ZFP92: variants seen among roughly 807,000 people sequenced by gnomAD.
ZFP92 encodes the protein ZFP92 zinc finger protein, also known as zinc finger protein 92 homolog.
In ZFP92, 2 loss-of-function variants were observed where a neutral mutation model predicts 7.6. That is an observed-to-expected ratio of 0.26 (90% CI 0.11 to 0.83). The LOEUF is 0.83. Among genes scored for constraint, ZFP92 ranks in the 40% least tolerant of loss-of-function variants. The pLI is 0.65. For missense variants in ZFP92, 324 were observed against 408.3 expected (o/e 0.79, Z 1.78); for synonymous variants, 226 against 183.6 (o/e 1.23, Z -1.87).
At position 153,418,589 on chromosome X, in the gene ZFP92, G is replaced by A. The variant is rs180671914; in HGVS notation, c.34-84G>A. The A allele has an allele frequency of 9.2e-4, 1,024 of 1,112,212 alleles. 5 individuals are homozygous for A. Among genetic ancestry groups the A allele is most frequent in the Middle Eastern group, 3.4e-3 (12 of 3,502 alleles). The allele number at this position is 1,112,212 out of a possible 1,213,427, so 91.7% of individuals were successfully genotyped here. On this transcript the variant is annotated intron_variant, in intron 3 of 5. Coordinates refer to ENST00000338647, the MANE Select transcript of ZFP92 (RefSeq NM_001136273.2). ...TGCTGAGCCTTCCAGGGCTCCCCCC[G>A]CCCCCCACATTTTGTTTCTGTCAGC...
intron 5 of ZFP92, 38 bp downstream of exon 5, chrX:153,420,370 A>G (rs2088988157): frequency 6.3e-6 from 7 of 1,103,768 alleles, no homozygotes; most frequent in Admixed American, 5.7e-5. Context: ...CCATCGGGGT[A>G]AAAAGAAATA....
In ZFP92 at chrX:153,423,218, G is replaced by C. The variant is rs2089019230; in HGVS notation, c.*1590G>C. The C allele has an allele frequency of 9.0e-6, 1 of 110,697 alleles. No homozygotes were observed. Among genetic ancestry groups the C allele is most frequent in the South Asian group, 3.9e-4 (1 of 2,574 alleles). The allele number at this position is 110,697 out of a possible 1,213,427, so 9.1% of individuals were successfully genotyped here. ...GCCCTGTCCCCTCCCAGGGGAGAGGGGGTTTTTCATCCACAAGGCCTGAGG... is the reference window on the plus strand; with the variant it reads ...GCCCTGTCCCCTCCCAGGGGAGAGGCGGTTTTTCATCCACAAGGCCTGAGG... On this transcript the variant is annotated 3_prime_UTR_variant, in exon 6 of 6. Transcript: ENST00000338647.
In ZFP92 at chrX:153,421,078, G is replaced by A. The variant is rs868992296; in HGVS notation, c.701G>A (p.Arg234Gln). ...IKHQVIHSGE[R>Q]PFACGDCGKL... is the part of the protein sequence containing the mutation. ...CACCAGGTCATCCACAGCGGCGAGC[G>A]GCCCTTCGCCTGCGGCGACTGCGGC... Residue 234 changes from arginine (R) to glutamine (Q), a missense_variant, in exon 6 of 6, where the codon CGG becomes CAG. Coordinates refer to ENST00000338647, the MANE Select transcript of ZFP92 (RefSeq NM_001136273.2). 4 of 1,183,897 alleles carry A rather than the reference G, an allele frequency of 3.4e-6. No individual in the cohort carries two copies. Among genetic ancestry groups the A allele is most frequent in the Non-Finnish European group, 4.5e-6 (4 of 881,993 alleles).
intron 2 of ZFP92, among the ~76,000 whole-genome samples, chrX:153,412,376 C>G (rs782741252): frequency 1.8e-5 from 2 of 112,647 alleles, no homozygotes; most frequent in East Asian, 5.6e-4. Flanking sequence ...ACCTCCTGAG[C>G]AAGCATTTGA....
In ZFP92 at chrX:153,422,305, C is replaced by T. The variant is rs2089011206; in HGVS notation, c.*677C>T. 1 of 112,059 alleles carries T rather than the reference C, an allele frequency of 8.9e-6. No homozygotes were observed. Among genetic ancestry groups the T allele is most frequent in the Non-Finnish European group, 1.9e-5 (1 of 53,163 alleles). 9.2% of individuals were successfully genotyped at this position (112,059 alleles called of 1,213,427 possible). ...TAGGATGGGGGGCTGTGCCAGAAAA[C>T]TCCCGCCTTGTCTGGGTGGCCCCAG... On this transcript the variant is annotated 3_prime_UTR_variant, in exon 6 of 6. Transcript: ENST00000338647.
At position 153,421,508 on chromosome X, in the gene ZFP92, G is replaced by C. The variant is rs2089003308; in HGVS notation, c.1131G>C (p.Lys377Asn). The change falls in exon 6 of 6, where the codon AAG becomes AAC. Residue 377 changes from lysine (K) to asparagine (N), a missense_variant. Lys to Asn is a moderately conservative substitution (Grantham distance 94). Coordinates refer to ENST00000338647, the MANE Select transcript of ZFP92 (RefSeq NM_001136273.2). ...TGCACGGCGCCAGGCGCCCTGCGAA[G>C]GCGGAGACGGCGCGGAGGCTAGCGG... ...QAVHGARRPA[K>N]AETARRLAGP... 5 of 1,141,948 alleles carry C rather than the reference G, an allele frequency of 4.4e-6. No homozygotes were observed. The highest frequency in any genetic ancestry group is 5.8e-6 in the Non-Finnish European group (5 of 866,258). The allele number at this position is 1,141,948 out of a possible 1,213,427, so 94.1% of individuals were successfully genotyped here. A position where few individuals can be genotyped will look rare whatever the true frequency, so the allele number is the denominator to read the frequency against.
Position 153,421,547 on chromosome X carries a change from C to T in ZFP92, c.1170C>T (p.Thr390=), listed in dbSNP as rs1249751801. 5 of 1,096,280 alleles carry T rather than the reference C, an allele frequency of 4.6e-6. No homozygotes were observed. Among genetic ancestry groups the T allele is most frequent in the African/African-American group, 3.9e-5 (2 of 51,858 alleles). The allele number at this position is 1,096,280 out of a possible 1,213,427, so 90.3% of individuals were successfully genotyped here. Residue 390 remains threonine, a synonymous_variant, in exon 6 of 6, where the codon ACC becomes ACT. Transcript: ENST00000338647. ...TARRLAGPGS[T]GPGSAVAATS... is the part of the protein sequence containing the mutation. Reference sequence around the variant, plus strand: ...GGAGGCTAGCGGGCCCTGGGAGCACCGGCCCTGGGAGCGCGGTGGCGGCCA... The same window carrying T: ...GGAGGCTAGCGGGCCCTGGGAGCACTGGCCCTGGGAGCGCGGTGGCGGCCA...
chrX:153,420,480 A>G, intron 5 of ZFP92, 148 bp downstream of exon 5: 3 of 900,920 alleles, frequency 3.3e-6, no homozygotes, highest in Non-Finnish European at 4.5e-6. Context: ...CAGCCCCGCT[A>G]TCTCCAGCCC....
chrX:153,418,195 G>A (rs990236573), intron 2 of ZFP92, 110 bp from the exon 3 acceptor site: 41 of 869,700 alleles, frequency 4.7e-5, no homozygotes, highest in Non-Finnish European at 6.6e-5. Context: ...ACCACAGGTG[G>A]CCGCTGTGCT....
rs186006678 is a variant in ZFP92 at position 153,426,047 on chromosome X, G to A, written c.*4419G>A. ...ATAATGGGCATACAAGAAACTGCAC[G>A]TCTTTAAAGTGTACAGTTGGAGGGT... On this transcript the variant is annotated 3_prime_UTR_variant, in exon 6 of 6. Coordinates refer to ENST00000338647, the MANE Select transcript of ZFP92 (RefSeq NM_001136273.2). 2.7e-5 allele frequency: 3 copies of A among 111,233 alleles called. No homozygotes were observed. The highest frequency in any genetic ancestry group is 2.8e-4 in the East Asian group (1 of 3,549). The allele number at this position is 111,233 out of a possible 1,213,427, so 9.2% of individuals were successfully genotyped here.
Position 153,421,665 on chromosome X carries a change from G to A in ZFP92, c.*37G>A, listed in dbSNP as rs1362228576. 2.1e-6 allele frequency: 2 copies of A among 933,953 alleles called. No homozygotes were observed. The highest frequency in any genetic ancestry group is 5.0e-5 in the East Asian group (1 of 19,884). 77.0% of individuals were successfully genotyped at this position (933,953 alleles called of 1,213,427 possible). A position where few individuals can be genotyped will look rare whatever the true frequency, so the allele number is the denominator to read the frequency against. On this transcript the variant is annotated 3_prime_UTR_variant, in exon 6 of 6. Transcript: ENST00000338647. ...CGCACCCAGGGCGCGGCCGGTCTGCGTGGGGGGCCTTCCTGGGGACGTCGA... is the reference window on the plus strand; with the variant it reads ...CGCACCCAGGGCGCGGCCGGTCTGCATGGGGGGCCTTCCTGGGGACGTCGA...
Position 153,422,496 on chromosome X carries a change from G to A in ZFP92, c.*868G>A, listed in dbSNP as rs1462078056. 3 of 107,080 alleles carry A rather than the reference G, an allele frequency of 2.8e-5. No homozygotes were observed. Among genetic ancestry groups the A allele is most frequent in the African/African-American group, 6.9e-5 (2 of 28,968 alleles). 8.8% of individuals were successfully genotyped at this position (107,080 alleles called of 1,213,427 possible). A position where few individuals can be genotyped will look rare whatever the true frequency, so the allele number is the denominator to read the frequency against. ...CCAGGCTTTGCTTTCCCCCCTGCCC[G>A]CCCACTGCCTTCTGCTCCCCAGACC... On this transcript the variant is annotated 3_prime_UTR_variant, in exon 6 of 6. Transcript: ENST00000338647.
In ZFP92 at chrX:153,418,341, A is replaced by G. The variant is rs1463716352; in HGVS notation, c.19A>G (p.Thr7Ala). The change falls in exon 3 of 6, where the codon ACC (threonine) becomes GCC (alanine). Residue 7 changes from threonine (T) to alanine (A), a missense_variant. Physicochemically the swap from Thr to Ala is moderately conservative, Grantham distance 58 (BLOSUM62 0). Coordinates refer to ENST00000338647, the MANE Select transcript of ZFP92 (RefSeq NM_001136273.2). ...CCTGGTGATGGCAGCCATTCTCCTG[A>G]CCACGAGACCCAAGGTGAGTGGTGG... MAAILL[T>A]TRPKVPVSFE... The G allele has an allele frequency of 2.6e-6, 3 of 1,165,238 alleles. No homozygotes were observed. In the African/African-American group the frequency reaches 5.4e-5, roughly 21 times the overall value.
intron 2 of ZFP92, among the ~76,000 whole-genome samples, chrX:153,418,090 G>A (rs937165554): frequency 2.7e-5 from 3 of 112,252 alleles, no homozygotes; most frequent in Non-Finnish European, 3.8e-5. Context: ...CTTGCTTGAA[G>A]GCCCCGATTT....
rs1444391763 is a variant in ZFP92 at position 153,423,090 on chromosome X, G to A, written c.*1462G>A. On this transcript the variant is annotated 3_prime_UTR_variant, in exon 6 of 6. Coordinates refer to ENST00000338647, the MANE Select transcript of ZFP92 (RefSeq NM_001136273.2). Reference sequence around the variant, plus strand: ...GGGCTGGCAGAGGCAGCTGCTGGCAGGCCTTATCCTAGTTCCCCAGCGCTG... The same window carrying A: ...GGGCTGGCAGAGGCAGCTGCTGGCAAGCCTTATCCTAGTTCCCCAGCGCTG... 1 of 112,581 alleles carries A rather than the reference G, an allele frequency of 8.9e-6. No individual in the cohort carries two copies. The highest frequency in any genetic ancestry group is 1.9e-5 in the Non-Finnish European group (1 of 53,223). The allele number at this position is 112,581 out of a possible 1,213,427, so 9.3% of individuals were successfully genotyped here.
At position 153,420,781 on chromosome X, in the gene ZFP92, G is replaced by A; in HGVS notation, c.404G>A (p.Gly135Glu). 1 of 1,168,337 alleles carries A rather than the reference G, an allele frequency of 8.6e-7. No individual in the cohort carries two copies. Among genetic ancestry groups the A allele is most frequent in the Non-Finnish European group, 1.1e-6 (1 of 873,064 alleles). The change falls in exon 6 of 6, where the codon GGG becomes GAG. Residue 135 changes from glycine (G) to glutamate (E), a missense_variant. Transcript: ENST00000338647. ...CTCCAGAGAGGTGCCCAGGGCTTGG[G>A]GCAGAGTTCGGCTGCGGGGCCGCAG... Reference protein sequence around the residue: ...SVLQRGAQGLGQSSAAGPQGP... With the variant: ...SVLQRGAQGLEQSSAAGPQGP...
chrX:153,417,780 T>C (rs1174606414), intron 2 of ZFP92, among the ~76,000 whole-genome samples: 2 of 111,921 alleles, frequency 1.8e-5, no homozygotes, highest in Non-Finnish European at 3.8e-5. Flanking sequence ...ACTCCTGGTA[T>C]CTGTGACTGT....
In ZFP92 at chrX:153,415,233, A is replaced by T. The variant is rs1378650091; in HGVS notation, c.-18-3072A>T. On this transcript the variant is annotated intron_variant, in intron 2 of 5. Coordinates refer to ENST00000338647, the MANE Select transcript of ZFP92 (RefSeq NM_001136273.2). ...AAAGTGGTGGGAGTGGGGACTTAGC[A>T]AACTGCCCTCGAAGGGCATAGAGAT... is the stretch of plus-strand genomic sequence containing the variant. Among the ~76,000 whole-genome samples, 3 of 112,823 alleles carry T rather than the reference A, an allele frequency of 2.7e-5. 1 individual carries two copies. The highest frequency in any genetic ancestry group is 5.6e-5 in the Non-Finnish European group (3 of 53,320).
intron 2 of ZFP92, among the ~76,000 whole-genome samples, chrX:153,417,835 G>A (rs1346852663): frequency 8.9e-6 from 1 of 111,897 alleles, no homozygotes; most frequent in African/African-American, 3.3e-5. Context: ...ATCAAGGTAA[G>A]ATGAGGTCAT....
Sources: gnomAD v4.1 joint callset for allele counts (sites outside exome capture counted in the v4.1 genomes callset) on GRCh38, gnomAD v4.1.1 for gene constraint, MANE v1.5 for transcripts, NCBI Gene and HGNC (gene_info 2026-07-23, HGNC 2026-07-21) for gene names.